IL1RAPL2: variants seen among roughly 807,000 people sequenced by gnomAD.
The protein encoded by IL1RAPL2 is interleukin 1 receptor accessory protein like 2, also known as X-linked interleukin-1 receptor accessory protein-like 2.
A neutral mutation model predicts 44.1 loss-of-function variants in IL1RAPL2; 3 were observed. The ratio of observed to expected loss-of-function variants is 0.07; its 90% CI spans 0.03 to 0.18. The LOEUF (loss-of-function observed/expected upper bound fraction) is 0.18, where lower values mean the gene tolerates loss of function less well. Ranked by LOEUF, IL1RAPL2 falls within the 10% of genes least tolerant of loss-of-function variation. The pLI, the probability that IL1RAPL2 is intolerant of heterozygous loss-of-function variation, is 1.00. For synonymous variants in IL1RAPL2, 181 were observed against 178.8 expected (o/e 1.01, Z -0.10); for missense variants, 391 against 496.4 (o/e 0.79, Z 2.02).
chrX:104,843,705 G>T (rs937647539), intron 2 of IL1RAPL2, among the ~76,000 whole-genome samples: 9 of 108,814 alleles, frequency 8.3e-5, no homozygotes, highest in Admixed American at 5.0e-4. Flanking sequence ...GCTTCTGCTT[G>T]CTCTCCATGA....
chrX:105,540,297 C>T (rs193184671), intron 6 of IL1RAPL2, among the ~76,000 whole-genome samples: 154 of 111,733 alleles, frequency 1.4e-3, no homozygotes, highest in Non-Finnish European at 2.3e-3. Context: ...AGGTGCCTAT[C>T]AACAGTGGAT....
chrX:104,887,928 C>G (rs774833935), intron 2 of IL1RAPL2, among the ~76,000 whole-genome samples: 1 of 111,472 alleles, frequency 9.0e-6, no homozygotes, highest in East Asian at 2.8e-4. Flanking sequence ...GGCACTTACC[C>G]GAGCCTTAGA....
intron 3 of IL1RAPL2, among the ~76,000 whole-genome samples, chrX:105,211,949 CCA>C (rs2033811283): frequency 8.9e-6 from 1 of 112,187 alleles, no homozygotes; most frequent in Non-Finnish European, 1.9e-5. Context: ...TACGCTTTTC[CCA>C]CAGTTTTTGT....
chrX:104,859,226 A>C (rs1922437290), intron 2 of IL1RAPL2, among the ~76,000 whole-genome samples: 1 of 111,481 alleles, frequency 9.0e-6, no homozygotes, highest in Non-Finnish European at 1.9e-5. Flanking sequence ...CCATTTATCT[A>C]CCTATGAATT....
intron 2 of IL1RAPL2, among the ~76,000 whole-genome samples, chrX:104,859,674 A>G (rs1922447691): frequency 8.9e-6 from 1 of 112,224 alleles, no homozygotes; most frequent in Admixed American, 9.5e-5. Context: ...GATCTGGGTG[A>G]GAAAGTAATT....
chrX:105,143,629 T>C (rs942042600), intron 2 of IL1RAPL2, among the ~76,000 whole-genome samples: 2 of 112,393 alleles, frequency 1.8e-5, no homozygotes, highest in African/African-American at 6.5e-5. Flanking sequence ...CATGCTGCTA[T>C]AAAGACACAT....
intron 2 of IL1RAPL2, among the ~76,000 whole-genome samples, chrX:104,944,390 T>C (rs1421496461): frequency 8.9e-6 from 1 of 112,163 alleles, no homozygotes; most frequent in Non-Finnish European, 1.9e-5. Context: ...AAATTTCTTA[T>C]GACTTTGTTC....
chrX:104,800,762 G>C (rs1302317370), intron 2 of IL1RAPL2, among the ~76,000 whole-genome samples: 1 of 112,635 alleles, frequency 8.9e-6, no homozygotes, highest in Non-Finnish European at 1.9e-5. Flanking sequence ...CCCCAGCAGA[G>C]AGCAGGCCTC....
At chrX:104,904,483 T>A (rs1176645680) in intron 2 of IL1RAPL2, among the ~76,000 whole-genome samples, 1 of 80,160 alleles carries the variant, frequency 1.2e-5, no homozygotes, top group Non-Finnish European at 2.3e-5. Flanking sequence ...CCCCAGAGTG[T>A]GATATTCCCC....
intron 3 of IL1RAPL2, among the ~76,000 whole-genome samples, chrX:105,198,496 C>T (rs1445677844): frequency 8.0e-5 from 9 of 112,259 alleles, no homozygotes; most frequent in Non-Finnish European, 1.7e-4. Context: ...AGTTCCTGTA[C>T]ACTTTATATC....
At chrX:105,525,869 A>T (rs2036591877) in intron 6 of IL1RAPL2, among the ~76,000 whole-genome samples, 1 of 111,929 alleles carries the variant, frequency 8.9e-6, no homozygotes, top group Non-Finnish European at 1.9e-5. Flanking sequence ...GTAAACTCAT[A>T]CAAGTTGCCC....
intron 5 of IL1RAPL2, among the ~76,000 whole-genome samples, chrX:105,385,468 T>G (rs1428505242): frequency 9.0e-6 from 1 of 110,988 alleles, no homozygotes; most frequent in Non-Finnish European, 1.9e-5. Flanking sequence ...GTTGTCATAA[T>G]CACCAGGACA....
chrX:105,492,393 C>G (rs999904319), intron 6 of IL1RAPL2, among the ~76,000 whole-genome samples: 1 of 110,428 alleles, frequency 9.1e-6, no homozygotes, highest in Non-Finnish European at 1.9e-5. Context: ...AAAAAACTAT[C>G]ATTCTAATAA....
At chrX:105,041,319 T>C (rs1184306539) in intron 2 of IL1RAPL2, among the ~76,000 whole-genome samples, 4 of 111,210 alleles carry the variant, frequency 3.6e-5, no homozygotes, top group Non-Finnish European at 7.5e-5. Flanking sequence ...AATTTTGGAA[T>C]AGGTGTGGTG....
At chrX:104,582,674 TTCTC>T (rs375448423) in intron 1 of IL1RAPL2, among the ~76,000 whole-genome samples, 2 of 74,426 alleles carry the variant, frequency 2.7e-5, no homozygotes, top group African/African-American at 4.2e-5. Flanking sequence ...TCTTTTTTCT[TTCTC>T]TTTCTTTCTT....
intron 5 of IL1RAPL2, among the ~76,000 whole-genome samples, chrX:105,354,067 G>T (rs1042478973): frequency 5.4e-5 from 6 of 110,825 alleles, no homozygotes; most frequent in African/African-American, 2.0e-4. Context: ...TTGGCTGTGG[G>T]TTTGTCATAG....
chrX:105,123,281 A>T (rs1177564244), intron 2 of IL1RAPL2, among the ~76,000 whole-genome samples: 1 of 111,081 alleles, frequency 9.0e-6, no homozygotes, highest in African/African-American at 3.3e-5. Context: ...GGAAAACTTT[A>T]TTCCTGCAAT....
intron 2 of IL1RAPL2, among the ~76,000 whole-genome samples, chrX:104,687,015 A>G (rs1931000532): frequency 8.9e-6 from 1 of 112,200 alleles, no homozygotes; most frequent in Non-Finnish European, 1.9e-5. Flanking sequence ...GTGCTACACG[A>G]AACAGAAGAT....
At chrX:104,926,168 G>T (rs1046563298) in intron 2 of IL1RAPL2, among the ~76,000 whole-genome samples, 1 of 111,498 alleles carries the variant, frequency 9.0e-6, no homozygotes, top group Middle Eastern at 4.2e-3. Flanking sequence ...GTTATGCTCT[G>T]GTCACTACCC....
Sources: allele counts gnomAD v4.1 joint callset (sites outside exome capture counted in the v4.1 genomes callset), GRCh38; gene constraint gnomAD v4.1.1; transcripts MANE v1.5; gene names NCBI Gene and HGNC (gene_info 2026-07-23, HGNC 2026-07-21).